Variants in CUBN observed in about 807,000 individuals in gnomAD.
CUBN encodes cubilin.
A neutral mutation model predicts 405.3 loss-of-function variants in CUBN; 282 were observed. The ratio of observed to expected loss-of-function variants is 0.70; its 90% CI spans 0.63 to 0.77. The LOEUF is 0.77. Among genes scored for constraint, CUBN ranks in the 30% least tolerant of loss-of-function variants. The pLI is 0.00. For synonymous variants in CUBN, 1,684 were observed against 1,617.0 expected (o/e 1.04, Z -0.99); for missense variants, 4,514 against 4,475.2 (o/e 1.01, Z -0.25).
intron 31 of CUBN, among the ~76,000 whole-genome samples, chr10:16,967,591 A>G (rs979224763): frequency 2.0e-5 from 3 of 152,164 alleles, no homozygotes; most frequent in African/African-American, 4.8e-5. Context: ...TCACAAGATA[A>G]ACGTTTGAAA....
At chr10:16,995,118 C>G (rs1833695978) in intron 28 of CUBN, among the ~76,000 whole-genome samples, 1 of 152,144 alleles carries the variant, frequency 6.6e-6, no homozygotes, top group East Asian at 1.9e-4. Context: ...AAATACCAAC[C>G]AAGAAAGGAA....
At chr10:17,049,062 A>G (rs138234108) in intron 22 of CUBN, among the ~76,000 whole-genome samples, 1 of 152,358 alleles carries the variant, frequency 6.6e-6, no homozygotes, top group African/African-American at 2.4e-5. Flanking sequence ...ATAGAAAAGT[A>G]TGCTTCTCTG....
chr10:17,030,744 C>A (rs1157146856), intron 27 of CUBN, among the ~76,000 whole-genome samples: 1 of 151,988 alleles, frequency 6.6e-6, no homozygotes, highest in African/African-American at 2.4e-5. Context: ...CATGGTGAAA[C>A]CCCATTTCTA....
rs1198511166 is a variant in CUBN at position 16,925,301 on chromosome 10, T to A, written c.6586A>T (p.Ile2196Phe). 2.5e-6 allele frequency: 4 copies of A among 1,613,748 alleles called. No individual in the cohort carries two copies. In the African/African-American group the frequency reaches 4.0e-5, roughly 16 times the overall value. Reference sequence around the variant, plus strand: ...TGCCCTTCATTACTGTGATCAGAAATAAACTGAACAAACATTTGATTATCC... The same window carrying A: ...TGCCCTTCATTACTGTGATCAGAAAAAAACTGAACAAACATTTGATTATCC... Reference protein sequence around the residue: ...TSDNQMFVQFISDHSNEGQGF... With the variant: ...TSDNQMFVQFFSDHSNEGQGF... The change falls in exon 43 of 67, where the codon ATT becomes TTT. Residue 2196 changes from isoleucine to phenylalanine, a missense_variant. Physicochemically the swap from Ile to Phe is conservative, Grantham distance 21. Coordinates refer to ENST00000377833, the MANE Select transcript of CUBN (RefSeq NM_001081.4).
chr10:16,866,110 C>T (rs1443654384), intron 59 of CUBN, among the ~76,000 whole-genome samples: 1 of 152,090 alleles, frequency 6.6e-6, no homozygotes, highest in Non-Finnish European at 1.5e-5. Flanking sequence ...TGCAGACCTC[C>T]CATCTAATAG....
chr10:17,070,031 A>C (rs1835703508), intron 19 of CUBN, among the ~76,000 whole-genome samples: 1 of 152,112 alleles, frequency 6.6e-6, no homozygotes. Flanking sequence ...TAGGTCTATA[A>C]TCCATTTTTA....
chr10:17,057,673 G>C (rs1315958792), intron 22 of CUBN, among the ~76,000 whole-genome samples: 1 of 151,706 alleles, frequency 6.6e-6, no homozygotes, highest in African/African-American at 2.4e-5. Flanking sequence ...TTTTGTAATA[G>C]CTAAAAACTG....
In CUBN at chr10:16,824,963, G is replaced by A; in HGVS notation, c.*12C>T. The A allele has an allele frequency of 6.3e-7, 1 of 1,598,262 alleles. No individual in the cohort carries two copies. Among genetic ancestry groups the A allele is most frequent in the African/African-American group, 1.3e-5 (1 of 74,692 alleles). Reference sequence around the variant, plus strand: ...GAGGGAAAGTGCTGAGTGAACACGAGTTGTTACCCACTTAGCTGTCCCAAG... The same window carrying A: ...GAGGGAAAGTGCTGAGTGAACACGAATTGTTACCCACTTAGCTGTCCCAAG... On this transcript the variant is annotated 3_prime_UTR_variant, in exon 67 of 67. Coordinates refer to ENST00000377833, the MANE Select transcript of CUBN (RefSeq NM_001081.4).
Position 17,088,290 on chromosome 10 carries a change from A to G in CUBN, c.1821T>C (p.Pro607=). The G allele has an allele frequency of 1.2e-6, 2 of 1,613,656 alleles. No homozygotes were observed. Among genetic ancestry groups the G allele is most frequent in the South Asian group, 2.2e-5 (2 of 91,062 alleles). The stretch of plus-strand genomic sequence containing the variant: ...AATCTCTTCCTGGGGGATAGTTTCC[A>G]GGATACCCCGGAGACTTAATAGAAC... ...PYGSIKSPGY[P]GNYPPGRDCV... The change falls in exon 15 of 67, where the codon CCT becomes CCC. Residue 607 remains proline (P), a synonymous_variant. Coordinates refer to ENST00000377833, the MANE Select transcript of CUBN (RefSeq NM_001081.4).
intron 22 of CUBN, among the ~76,000 whole-genome samples, chr10:17,060,157 T>C (rs915312119): frequency 6.6e-6 from 1 of 152,060 alleles, no homozygotes; most frequent in Non-Finnish European, 1.5e-5. Flanking sequence ...GTTTCGCTCT[T>C]GTTGCCCAGG....
At chr10:16,939,926 G>A in intron 37 of CUBN, 106 bp downstream of exon 37, 1 of 983,932 alleles carries the variant, frequency 1.0e-6, no homozygotes, top group Non-Finnish European at 1.6e-6. Flanking sequence ...TAGGAAAATA[G>A]TGTAGAGTTT....
At chr10:17,087,472 C>CTTTTTTTTTTTTTTTTTTTTTTTTT (rs775573918) in intron 15 of CUBN, among the ~76,000 whole-genome samples, 14 of 71,730 alleles carry the variant, frequency 2.0e-4, no homozygotes, top group African/African-American at 3.3e-4. Flanking sequence ...TTTTCTTTTT[C>CTTTTTTTTTTTTTTTTTTTTTTTTT]TTTTTTTTTT....
rs1554788544 is a variant in CUBN, at chr10:16,889,935, C to CAAAAAAAAAAAAAA, written c.8755+422_8755+435dup. On this transcript the variant is annotated intron_variant, in intron 55 of 66. Transcript: ENST00000377833. ...CTGGCGACAGAGTGAGACGCCGTGTCAAAAAAAAAAAAAAAAAACAGGAAA... is the reference window on the plus strand; with the variant it reads ...CTGGCGACAGAGTGAGACGCCGTGTCAAAAAAAAAAAAAAAAAAAAAAAAAAAAAAAACAGGAAA... Among the ~76,000 whole-genome samples, 88 of 19,876 alleles carry CAAAAAAAAAAAAAA rather than the reference C, an allele frequency of 4.4e-3. 15 individuals are homozygous for CAAAAAAAAAAAAAA. The highest frequency in any genetic ancestry group is 9.5e-3 in the African/African-American group (46 of 4,826). 13.0% of individuals were successfully genotyped at this position (19,876 alleles called of 152,430 possible).
intron 8 of CUBN, 122 bp from the exon 9 acceptor site, chr10:17,111,172 T>C: frequency 4.3e-6 from 5 of 1,151,564 alleles, no homozygotes; most frequent in Admixed American, 4.2e-5. Context: ...AAATGAGATA[T>C]GCTTATCAGA....
chr10:17,008,108 G>A (rs7920495), intron 28 of CUBN, among the ~76,000 whole-genome samples: 39,298 of 151,896 alleles, frequency 0.26, 5,797 homozygotes, highest in East Asian at 0.42. Context: ...CTGAGATTGC[G>A]CCACTGCACT....
intron 17 of CUBN, among the ~76,000 whole-genome samples, chr10:17,083,879 C>A (rs1164431739): frequency 6.6e-6 from 1 of 151,998 alleles, no homozygotes; most frequent in Non-Finnish European, 1.5e-5. Context: ...ACAATCATTA[C>A]CCACACTTAA....
At chr10:16,835,994 T>G (rs1323070949) in intron 63 of CUBN, among the ~76,000 whole-genome samples, 2 of 152,190 alleles carry the variant, frequency 1.3e-5, no homozygotes, top group South Asian at 2.1e-4. Context: ...TACATATACT[T>G]TGAAGAAAAT....
intron 48 of CUBN, among the ~76,000 whole-genome samples, chr10:16,909,520 A>AAT (rs1841660805): frequency 6.6e-6 from 1 of 152,234 alleles, no homozygotes; most frequent in Admixed American, 6.5e-5. Context: ...ATATTTCTAT[A>AAT]ATGCTGAAAA....
intron 59 of CUBN, among the ~76,000 whole-genome samples, chr10:16,865,702 G>A (rs1015066011): frequency 1.3e-5 from 2 of 152,062 alleles, no homozygotes; most frequent in African/African-American, 4.8e-5. Flanking sequence ...ATTGAAAAAA[G>A]GGCACTCTGA....
Sources: allele counts gnomAD v4.1 joint callset (sites outside exome capture counted in the v4.1 genomes callset), GRCh38; gene constraint gnomAD v4.1.1; transcripts MANE v1.5; gene names NCBI Gene and HGNC (gene_info 2026-07-23, HGNC 2026-07-21).